Variants in ROBO2 observed in about 807,000 individuals in gnomAD.
The protein encoded by ROBO2 is roundabout guidance receptor 2.
In ROBO2, 53 loss-of-function variants were observed where a neutral mutation model predicts 160.8. The observed-to-expected ratio is 0.33, with a 90% CI of 0.26 to 0.41. The LOEUF (loss-of-function observed/expected upper bound fraction) is 0.41, where lower values mean the gene tolerates loss of function less well. ROBO2 is among the 10% of genes least tolerant of loss of function. The probability of loss-of-function intolerance (pLI) is 1.00; values close to 1 mark genes in which losing one functional copy is unlikely to be tolerated. For missense variants in ROBO2, 1,577 were observed against 1,722.4 expected (o/e 0.92, Z 1.49); for synonymous variants, 664 against 611.7 (o/e 1.09, Z -1.26).
intron 2 of ROBO2, among the ~76,000 whole-genome samples, chr3:76,883,297 T>A (rs1006644948): frequency 6.6e-6 from 1 of 152,162 alleles, no homozygotes; most frequent in African/African-American, 2.4e-5. Flanking sequence ...GACTTCTACA[T>A]CATCAGCATG....
chr3:76,861,602 A>G (rs1315288632), intron 2 of ROBO2, among the ~76,000 whole-genome samples: 1 of 152,050 alleles, frequency 6.6e-6, no homozygotes, highest in Non-Finnish European at 1.5e-5. Context: ...CACCACATGT[A>G]TTTTTATATT....
chr3:77,346,449 T>G (rs1349689123), intron 2 of ROBO2, among the ~76,000 whole-genome samples: 2 of 151,312 alleles, frequency 1.3e-5, no homozygotes, highest in Non-Finnish European at 3.0e-5. Context: ...AGCAGTATTT[T>G]GAGAAATAGG....
intron 2 of ROBO2, among the ~76,000 whole-genome samples, chr3:76,803,473 A>G (rs1380846813): frequency 2.9e-5 from 4 of 138,302 alleles, no homozygotes; most frequent in African/African-American, 5.2e-5. Flanking sequence ...GAAAGGAAGG[A>G]AGGGAGGGAG....
At chr3:77,520,473 TACAA>T (rs2090479950) in intron 5 of ROBO2, among the ~76,000 whole-genome samples, 1 of 151,252 alleles carries the variant, frequency 6.6e-6, no homozygotes, top group African/African-American at 2.4e-5. Flanking sequence ...GGAGGTAACA[TACAA>T]TTTTTTTCTC....
chr3:76,113,037 A>G (rs1441167468), intron 2 of ROBO2, among the ~76,000 whole-genome samples: 1 of 152,114 alleles, frequency 6.6e-6, no homozygotes, highest in Non-Finnish European at 1.5e-5. Flanking sequence ...ATTAACCACT[A>G]GTGGAGTAAT....
At chr3:77,185,588 G>A (rs2081206727) in intron 2 of ROBO2, among the ~76,000 whole-genome samples, 1 of 151,942 alleles carries the variant, frequency 6.6e-6, no homozygotes, top group African/African-American at 2.4e-5. Flanking sequence ...CACCCATTAT[G>A]GAAAACAGTG....
chr3:76,642,568 T>G, intron 2 of ROBO2, among the ~76,000 whole-genome samples: 1 of 151,914 alleles, frequency 6.6e-6, no homozygotes, highest in Non-Finnish European at 1.5e-5. Context: ...GTCAGCCTGG[T>G]CTCAAACTCC....
rs565560117 is a variant in ROBO2 at position 77,244,184 on chromosome 3, C to T, written c.388+145844C>T. ...AAATTTTGTCAATTATATAAAAGTA[C>T]CTTTTCCTCAATAAAGGCAACTTAC... is the stretch of plus-strand genomic sequence containing the variant. On this transcript the variant is annotated intron_variant, in intron 2 of 25. Coordinates refer to ENST00000461745, the Ensembl canonical transcript of ROBO2. Among the ~76,000 whole-genome samples, 253 of 152,214 alleles carry T rather than the reference C, an allele frequency of 1.7e-3. 2 individuals are homozygous for T. The highest frequency in any genetic ancestry group is 5.6e-3 in the African/African-American group (232 of 41,542).
chr3:76,335,284 A>G (rs2073805998), intron 2 of ROBO2, among the ~76,000 whole-genome samples: 1 of 144,600 alleles, frequency 6.9e-6, no homozygotes, highest in Admixed American at 7.2e-5. Flanking sequence ...GGGTCCAAGC[A>G]ATTCTCCTGC....
chr3:76,993,831 G>A (rs1242749645), intron 2 of ROBO2, among the ~76,000 whole-genome samples: 3 of 151,418 alleles, frequency 2.0e-5, no homozygotes, highest in African/African-American at 7.3e-5. Context: ...CCATTCTATA[G>A]AAACTATCTA....
chr3:77,376,043 C>A (rs2072602425), intron 2 of ROBO2, among the ~76,000 whole-genome samples: 2 of 151,858 alleles, frequency 1.3e-5, no homozygotes, highest in Non-Finnish European at 2.9e-5. Flanking sequence ...GAGATGGACA[C>A]AGTCCAGGAA....
At chr3:76,860,999 G>C (rs965436116) in intron 2 of ROBO2, among the ~76,000 whole-genome samples, 1 of 152,110 alleles carries the variant, frequency 6.6e-6, no homozygotes, top group Non-Finnish European at 1.5e-5. Context: ...GTTCCTCTAA[G>C]ATGACTCTCA....
chr3:76,666,496 G>A (rs1417124905), intron 2 of ROBO2, among the ~76,000 whole-genome samples: 1 of 151,982 alleles, frequency 6.6e-6, no homozygotes, highest in Non-Finnish European at 1.5e-5. Context: ...TGGGTTATCT[G>A]AGCAGAACTA....
In ROBO2 at chr3:76,955,344, C is replaced by T. The variant is rs542145061; in HGVS notation, c.110-142670C>T. Among the ~76,000 whole-genome samples, 96 of 152,180 alleles carry T rather than the reference C, an allele frequency of 6.3e-4. 1 individual carries two copies. The highest frequency in any genetic ancestry group is 3.3e-3 in the South Asian group (16 of 4,830). On this transcript the variant is annotated intron_variant, in intron 2 of 26. Transcript: ENST00000487694. ...ATGTGTGTACAAATACCTGCTTGAG[C>T]CCCTCTTTTCAGTTCTTTTGGGTAT...
Position 76,676,581 on chromosome 3 carries a change from G to A in ROBO2, c.110-421433G>A, listed in dbSNP as rs544099049. 5.3e-5 allele frequency among the ~76,000 whole-genome samples: 8 copies of A among 152,106 alleles called. No individual in the cohort carries two copies. The East Asian group carries it at 5.8e-4, about 11-fold the overall frequency. On this transcript the variant is annotated intron_variant, in intron 2 of 26. Transcript: ENST00000487694. ...TGTGTGATTTCTTTTTTGCGTGCACGTTTGTTTTTCTAAAATGAGCTGAAG... is the reference window on the plus strand; with the variant it reads ...TGTGTGATTTCTTTTTTGCGTGCACATTTGTTTTTCTAAAATGAGCTGAAG...
intron 2 of ROBO2, among the ~76,000 whole-genome samples, chr3:76,458,914 A>T (rs2077931063): frequency 6.6e-6 from 1 of 152,162 alleles, no homozygotes; most frequent in African/African-American, 2.4e-5. Context: ...AGCATGTGGG[A>T]ATTCTGGGAG....
chr3:77,250,694 A>T (rs7629776), intron 2 of ROBO2, among the ~76,000 whole-genome samples: 2 of 151,892 alleles, frequency 1.3e-5, no homozygotes, highest in South Asian at 2.1e-4. Flanking sequence ...GAGTTTGGAA[A>T]GAGGAGATGC....
At chr3:77,432,307 T>C (rs2078853919) in intron 2 of ROBO2, among the ~76,000 whole-genome samples, 1 of 152,230 alleles carries the variant, frequency 6.6e-6, no homozygotes, top group Non-Finnish European at 1.5e-5. Context: ...AAGTGAATTC[T>C]GTATGGGTAA....
chr3:77,163,831 T>A (rs1336597386), intron 2 of ROBO2, among the ~76,000 whole-genome samples: 1 of 152,202 alleles, frequency 6.6e-6, no homozygotes, highest in Non-Finnish European at 1.5e-5. Context: ...AAAAAATCTA[T>A]ATTTCAAACT....
Sources: allele counts gnomAD v4.1 joint callset (sites outside exome capture counted in the v4.1 genomes callset), GRCh38; gene constraint gnomAD v4.1.1; transcripts MANE v1.5; gene names NCBI Gene and HGNC (gene_info 2026-07-23, HGNC 2026-07-21).